The following POLA1 variants were observed in gnomAD, a reference collection of about 807,000 sequenced individuals.
POLA1 encodes the protein DNA polymerase alpha 1, catalytic subunit, also known as DNA polymerase alpha catalytic subunit.
A neutral mutation model predicts 124.0 loss-of-function variants in POLA1; 15 were observed. The ratio of observed to expected loss-of-function variants is 0.12; its 90% CI spans 0.08 to 0.19. POLA1 has a LOEUF of 0.19. POLA1 is among the 10% of genes least tolerant of loss of function. The pLI is 1.00. For synonymous variants in POLA1, 408 were observed against 389.4 expected (o/e 1.05, Z -0.56); for missense variants, 886 against 1,103.4 (o/e 0.80, Z 2.79).
chrX:24,916,739 C>G (rs1173546670), intron 35 of POLA1, among the ~76,000 whole-genome samples: 3 of 112,025 alleles, frequency 2.7e-5, no homozygotes, highest in South Asian at 7.4e-4. Context: ...GTTGCAAAAG[C>G]TTAAGATAAA....
chrX:24,833,315 G>T (rs755877778), intron 32 of POLA1, among the ~76,000 whole-genome samples: 6 of 111,616 alleles, frequency 5.4e-5, no homozygotes, highest in African/African-American at 2.0e-4. Flanking sequence ...GGGCATTTGG[G>T]CTGGTTCCAT....
chrX:24,725,022 A>G (rs777734218), intron 12 of POLA1, among the ~76,000 whole-genome samples: 65 of 111,034 alleles, frequency 5.9e-4, no homozygotes, highest in Non-Finnish European at 1.1e-3. Context: ...GGCTAACAGT[A>G]TTAACTATTT....
rs934417835 is a variant in POLA1, at chrX:24,780,219, G to C, written c.2965-29679G>C. 4.5e-5 allele frequency among the ~76,000 whole-genome samples: 5 copies of C among 111,912 alleles called. No homozygotes were observed. In the Admixed American group the frequency reaches 4.7e-4, roughly 11 times the overall value. On this transcript the variant is annotated intron_variant, in intron 26 of 36. Transcript: ENST00000379068. ...ATGCTGGCCTTGTAAAATGAGGTTGGAAGGGTTCCTTCCTCTTCACTTTTT... is the reference window on the plus strand; with the variant it reads ...ATGCTGGCCTTGTAAAATGAGGTTGCAAGGGTTCCTTCCTCTTCACTTTTT...
At chrX:24,705,022 T>A (rs1163516896) in intron 4 of POLA1, among the ~76,000 whole-genome samples, 1 of 111,765 alleles carries the variant, frequency 8.9e-6, no homozygotes, top group African/African-American at 3.2e-5. Flanking sequence ...TCAGTATTTT[T>A]TTTTGTTTAG....
At chrX:24,864,505 T>C (rs890084585) in intron 34 of POLA1, among the ~76,000 whole-genome samples, 15 of 112,051 alleles carry the variant, frequency 1.3e-4, no homozygotes, top group Admixed American at 5.7e-4. Context: ...TATTCTGGCA[T>C]TTGAGACATT....
chrX:24,992,487 A>G (rs1049201239), intron 36 of POLA1, among the ~76,000 whole-genome samples: 6 of 112,803 alleles, frequency 5.3e-5, no homozygotes, highest in African/African-American at 1.9e-4. Flanking sequence ...GACAGAATCA[A>G]TTATAACTGA....
At chrX:24,744,148 A>G (rs1177766465) in intron 23 of POLA1, among the ~76,000 whole-genome samples, 1 of 112,718 alleles carries the variant, frequency 8.9e-6, no homozygotes, top group Non-Finnish European at 1.9e-5. Context: ...GCTGTGAAGG[A>G]ATTAATGTGA....
At chrX:24,934,309 G>A in intron 36 of POLA1, among the ~76,000 whole-genome samples, 1 of 112,226 alleles carries the variant, frequency 8.9e-6, no homozygotes, top group East Asian at 2.8e-4. Context: ...GGTGTTGAGT[G>A]ACATTCCTCA....
chrX:24,792,862 A>G (rs981001061), intron 26 of POLA1, among the ~76,000 whole-genome samples: 2 of 111,609 alleles, frequency 1.8e-5, no homozygotes, highest in Non-Finnish European at 3.8e-5. Flanking sequence ...GTCTTCTACT[A>G]TTTTTCATTC....
At chrX:24,811,541 G>C (rs1444833777) in intron 28 of POLA1, among the ~76,000 whole-genome samples, 1 of 108,334 alleles carries the variant, frequency 9.2e-6, no homozygotes, top group Admixed American at 9.8e-5. Flanking sequence ...ACCTGCCTTG[G>C]ACTCCCAAGT....
At chrX:24,725,608 C>A (rs1231071241) in intron 12 of POLA1, among the ~76,000 whole-genome samples, 1 of 111,767 alleles carries the variant, frequency 8.9e-6, no homozygotes, top group Non-Finnish European at 1.9e-5. Flanking sequence ...GCAGTCCTTG[C>A]CAGATAGCCA....
Position 24,723,243 on chromosome X carries a change from G to A in POLA1, c.1176G>A (p.Thr392=). Residue 392 remains threonine, a synonymous_variant, in exon 11 of 37, where the codon ACG becomes ACA. Coordinates refer to ENST00000379068, the MANE Select transcript of POLA1 (RefSeq NM_001330360.2). ...TCATGGTGAAAAATATCGAGCGAAC[G>A]CTTTACTTCCTTCCCCGTGAAATGG... ...CCVMVKNIER[T]LYFLPREMKI... is the part of the protein sequence containing the mutation. 2.4e-5 allele frequency: 28 copies of A among 1,189,703 alleles called. No individual in the cohort carries two copies. Among genetic ancestry groups the A allele is most frequent in the Non-Finnish European group, 3.0e-5 (26 of 875,496 alleles).
chrX:24,714,153 A>AGTTTTGTTTTGTTTT (rs770145497), intron 4 of POLA1, among the ~76,000 whole-genome samples: 1 of 111,686 alleles, frequency 9.0e-6, no homozygotes, highest in African/African-American at 3.3e-5. Context: ...AGAATCTCAT[A>AGTTTTGTTTTGTTTT]GTTTTGTTTT....
chrX:24,836,789 C>T (rs1330920747), intron 32 of POLA1, among the ~76,000 whole-genome samples: 1 of 111,601 alleles, frequency 9.0e-6, no homozygotes, highest in South Asian at 3.7e-4. Flanking sequence ...GAAATGCTTA[C>T]GACCAGAAGT....
chrX:24,789,258 C>T (rs1489525820), intron 26 of POLA1, among the ~76,000 whole-genome samples: 1 of 111,585 alleles, frequency 9.0e-6, no homozygotes, highest in African/African-American at 3.3e-5. Flanking sequence ...AAAACCCTAA[C>T]CCTAAGGATT....
chrX:24,888,611 T>G (rs1279991431), intron 35 of POLA1, among the ~76,000 whole-genome samples: 10 of 96,790 alleles, frequency 1.0e-4, no homozygotes, highest in Non-Finnish European at 1.9e-4. Context: ...TTTTTTTTTT[T>G]TTTTTTTTTT....
At chrX:24,881,358 T>G (rs2046999189) in intron 34 of POLA1, among the ~76,000 whole-genome samples, 1 of 111,668 alleles carries the variant, frequency 9.0e-6, no homozygotes, top group African/African-American at 3.3e-5. Flanking sequence ...AATAACAATA[T>G]TTTACATTTA....
intron 14 of POLA1, among the ~76,000 whole-genome samples, chrX:24,727,522 C>A (rs1265003762): frequency 9.0e-6 from 1 of 110,954 alleles, no homozygotes; most frequent in Non-Finnish European, 1.9e-5. Context: ...TTTTTAAAAC[C>A]TATTTTGGGT....
intron 34 of POLA1, among the ~76,000 whole-genome samples, chrX:24,876,033 A>G (rs918995931): frequency 8.9e-6 from 1 of 112,417 alleles, no homozygotes; most frequent in South Asian, 3.7e-4. Flanking sequence ...AAATTCTGAT[A>G]AAACTTTTCT....
Sources: gnomAD v4.1 joint callset for allele counts (sites outside exome capture counted in the v4.1 genomes callset) on GRCh38, gnomAD v4.1.1 for gene constraint, MANE v1.5 for transcripts, NCBI Gene and HGNC (gene_info 2026-07-23, HGNC 2026-07-21) for gene names.